Variants in DIS3L2 observed in about 807,000 individuals in gnomAD.
DIS3L2 encodes DIS3-like exonuclease 2.
In DIS3L2, 34 loss-of-function variants were observed where a neutral mutation model predicts 97.5. The observed-to-expected ratio is 0.35, with a 90% CI of 0.27 to 0.46. The LOEUF (loss-of-function observed/expected upper bound fraction) is 0.46, where lower values mean the gene tolerates loss of function less well. Ranked by LOEUF, DIS3L2 falls within the 20% of genes least tolerant of loss-of-function variation. The pLI is 1.00. For synonymous variants in DIS3L2, 435 were observed against 445.2 expected (o/e 0.98, Z 0.29); for missense variants, 1,038 against 1,146.0 (o/e 0.91, Z 1.36).
At chr2:232,203,808 AAAG>A (rs1289935733) in intron 9 of DIS3L2, among the ~76,000 whole-genome samples, 1 of 152,204 alleles carries the variant, frequency 6.6e-6, no homozygotes, top group African/African-American at 2.4e-5. Flanking sequence ...TTACTGGAAA[AAAG>A]CTGGCATTGC....
At chr2:232,229,024 T>C (rs1484240914) in intron 10 of DIS3L2, among the ~76,000 whole-genome samples, 1 of 152,210 alleles carries the variant, frequency 6.6e-6, no homozygotes, top group Non-Finnish European at 1.5e-5. Context: ...CCTCTAAAGA[T>C]CATCACTGAG....
At chr2:232,202,165 C>T (rs955436530) in intron 9 of DIS3L2, among the ~76,000 whole-genome samples, 5 of 152,074 alleles carry the variant, frequency 3.3e-5, no homozygotes, top group African/African-American at 4.8e-5. Flanking sequence ...TTTGGGAGGC[C>T]GAGGTGGGTG....
intron 12 of DIS3L2, among the ~76,000 whole-genome samples, chr2:232,249,874 C>T (rs1259737334): frequency 2.0e-5 from 3 of 152,056 alleles, no homozygotes; most frequent in South Asian, 2.1e-4. Context: ...ATGATTGGAG[C>T]GGTGAAGATG....
chr2:231,991,112 G>T (rs796282034), intron 1 of DIS3L2, among the ~76,000 whole-genome samples: 1 of 151,816 alleles, frequency 6.6e-6, no homozygotes, highest in African/African-American at 2.4e-5. Flanking sequence ...TTGCCATGTC[G>T]CCCAGGCTGG....
chr2:232,228,392 A>G (rs947935485), intron 10 of DIS3L2, among the ~76,000 whole-genome samples: 4 of 152,218 alleles, frequency 2.6e-5, no homozygotes, highest in Admixed American at 2.0e-4. Context: ...ACAGCCTCAG[A>G]CATAAGAAAG....
At chr2:232,173,383 A>G (rs918065889) in intron 9 of DIS3L2, among the ~76,000 whole-genome samples, 14 of 152,004 alleles carry the variant, frequency 9.2e-5, no homozygotes, top group Non-Finnish European at 1.8e-4. Context: ...GGCACCCATC[A>G]CCACACCCTG....
At chr2:232,124,263 C>CT (rs1345116108) in intron 6 of DIS3L2, among the ~76,000 whole-genome samples, 4 of 151,706 alleles carry the variant, frequency 2.6e-5, no homozygotes, top group Admixed American at 2.6e-4. Flanking sequence ...TCACCACAGT[C>CT]TAAAAAAAAA....
At chr2:232,188,133 C>G (rs1482470864) in intron 9 of DIS3L2, among the ~76,000 whole-genome samples, 1 of 151,882 alleles carries the variant, frequency 6.6e-6, no homozygotes, top group Non-Finnish European at 1.5e-5. Context: ...GAGCAAGACT[C>G]TGTCTCAAAA....
intron 5 of DIS3L2, among the ~76,000 whole-genome samples, chr2:232,053,558 G>A (rs747879080): frequency 5.9e-5 from 9 of 152,144 alleles, no homozygotes; most frequent in Non-Finnish European, 1.3e-4. Flanking sequence ...GTCACAGTCC[G>A]GGCTGCCTGT....
In DIS3L2 at chr2:232,088,014, G is replaced by A. The variant is rs564581768; in HGVS notation, c.601+293G>A. On this transcript the variant is annotated intron_variant, in intron 6 of 20. Coordinates refer to ENST00000325385, the MANE Select transcript of DIS3L2 (RefSeq NM_152383.5). ...CATCTCTTGCGATAGGCGCAATCCT[G>A]TGGATGATGTGAACACAATTAAACT... Among the ~76,000 whole-genome samples, 4 of 152,330 alleles carry A rather than the reference G, an allele frequency of 2.6e-5. No homozygotes were observed. The East Asian group carries it at 7.7e-4, about 29-fold the overall frequency.
At chr2:231,994,048 G>C (rs1693660129) in intron 1 of DIS3L2, among the ~76,000 whole-genome samples, 1 of 148,266 alleles carries the variant, frequency 6.7e-6, no homozygotes. Context: ...TTTTATATAT[G>C]GTCTGAGGCA....
chr2:232,224,045 G>A (rs1177135300), intron 10 of DIS3L2, among the ~76,000 whole-genome samples: 4 of 152,148 alleles, frequency 2.6e-5, no homozygotes, highest in East Asian at 1.9e-4. Flanking sequence ...AGCCATGATC[G>A]CACCACACTG....
chr2:232,300,011 A>G, intron 13 of DIS3L2, 29 bp from the exon 14 acceptor site: 1 of 1,609,308 alleles, frequency 6.2e-7, no homozygotes, highest in Non-Finnish European at 8.5e-7. Flanking sequence ...GCTGCCTAAA[A>G]CTTCTTTTTC....
intron 5 of DIS3L2, among the ~76,000 whole-genome samples, chr2:232,039,436 G>T (rs753939341): frequency 2.1e-4 from 32 of 152,086 alleles, no homozygotes; most frequent in Non-Finnish European, 4.0e-4. Flanking sequence ...TCTGCTTGTC[G>T]TGCTCACTCC....
intron 11 of DIS3L2, among the ~76,000 whole-genome samples, chr2:232,247,635 G>GC (rs1559173639): frequency 3.9e-5 from 2 of 51,436 alleles, no homozygotes; most frequent in Admixed American, 1.9e-4. Flanking sequence ...GGGGGGGGGG[G>GC]CGGGGGGGAG....
chr2:232,222,695 G>C (rs1248994596), intron 10 of DIS3L2, among the ~76,000 whole-genome samples: 1 of 152,114 alleles, frequency 6.6e-6, no homozygotes, highest in Non-Finnish European at 1.5e-5. Context: ...TCGAACTTCT[G>C]ACCTCAGGTG....
chr2:232,086,613 GTATA>G (rs1159140399), intron 5 of DIS3L2, among the ~76,000 whole-genome samples: 4 of 103,768 alleles, frequency 3.9e-5, no homozygotes, highest in Middle Eastern at 4.6e-3. Context: ...GTGTGTGTGT[GTATA>G]TATATATATA....
At chr2:232,305,334 T>G (rs1486021378) in intron 14 of DIS3L2, among the ~76,000 whole-genome samples, 2 of 152,168 alleles carry the variant, frequency 1.3e-5, no homozygotes, top group Non-Finnish European at 2.9e-5. Context: ...CAACTCAGCC[T>G]CCCAAAGTGC....
chr2:232,029,839 C>A, intron 4 of DIS3L2, 140 bp from the exon 5 acceptor site: 2 of 605,012 alleles, frequency 3.3e-6, no homozygotes, highest in Non-Finnish European at 5.7e-6. Flanking sequence ...AAAAAGGTAT[C>A]AGCATGCTTT....
Sources: gnomAD v4.1 joint callset for allele counts (sites outside exome capture counted in the v4.1 genomes callset) on GRCh38, gnomAD v4.1.1 for gene constraint, MANE v1.5 for transcripts, NCBI Gene and HGNC (gene_info 2026-07-23, HGNC 2026-07-21) for gene names.